NRXN3: variants seen among roughly 807,000 people sequenced by gnomAD.
NRXN3 encodes the protein neurexin 3, also known as neurexin III.
In NRXN3, 32 loss-of-function variants were observed where a neutral mutation model predicts 137.6. The ratio of observed to expected loss-of-function variants is 0.23; its 90% CI spans 0.18 to 0.31. NRXN3 has a LOEUF of 0.31. Ranked by LOEUF, NRXN3 falls within the 10% of genes least tolerant of loss-of-function variation. NRXN3 has a pLI of 1.00. For missense variants in NRXN3, 1,574 were observed against 2,062.5 expected (o/e 0.76, Z 4.59); for synonymous variants, 798 against 784.5 (o/e 1.02, Z -0.29).
chr14:78,312,057 A>G (rs1485096236), intron 4 of NRXN3, among the ~76,000 whole-genome samples: 3 of 152,166 alleles, frequency 2.0e-5, no homozygotes, highest in African/African-American at 4.8e-5. Flanking sequence ...TTCTCCTCCC[A>G]CCAAGTTGCC....
At chr14:79,280,272 AGTG>A in intron 15 of NRXN3, 4 of 1,613,570 alleles carry the variant, frequency 2.5e-6, no homozygotes, top group Non-Finnish European at 3.4e-6. Flanking sequence ...GCCCATCTGT[AGTG>A]GTCCCGTGCG....
At chr14:78,967,915 A>G (rs772588758) in intron 13 of NRXN3, among the ~76,000 whole-genome samples, 2 of 152,182 alleles carry the variant, frequency 1.3e-5, no homozygotes, top group Non-Finnish European at 2.9e-5. Flanking sequence ...TTTGTTGACA[A>G]TATTGTTAAT....
chr14:79,621,185 C>G (rs2098219925), intron 16 of NRXN3, among the ~76,000 whole-genome samples: 1 of 152,046 alleles, frequency 6.6e-6, no homozygotes. Flanking sequence ...AAGCATTTAG[C>G]CCAAGGCTAG....
In NRXN3 at chr14:79,451,322, T is replaced by C. The variant is rs564056599; in HGVS notation, c.3263-15899T>C. ...GTGGCATCGCTGACTGAAAGATAGG[T>C]CATTTTTAAAATAGTGGTATGACCT... On this transcript the variant is annotated intron_variant, in intron 15 of 20. Transcript: ENST00000335750. 5.3e-4 allele frequency among the ~76,000 whole-genome samples: 80 copies of C among 152,278 alleles called. 2 individuals are homozygous for C. Among genetic ancestry groups the C allele is most frequent in the Admixed American group, 5.2e-3 (80 of 15,294 alleles).
intron 15 of NRXN3, among the ~76,000 whole-genome samples, chr14:79,185,566 C>T (rs769379445): frequency 3.2e-4 from 49 of 151,598 alleles, no homozygotes; most frequent in South Asian, 1.0e-3. Context: ...CCTGGGTTCA[C>T]GCCATTCTCC....
chr14:79,298,304 A>T (rs1358510896), intron 15 of NRXN3, among the ~76,000 whole-genome samples: 1 of 152,076 alleles, frequency 6.6e-6, no homozygotes, highest in African/African-American at 2.4e-5. Context: ...AGTCAGAAGC[A>T]CCCACTTCAG....
At chr14:79,163,645 A>G (rs1279865885) in intron 15 of NRXN3, among the ~76,000 whole-genome samples, 2 of 151,840 alleles carry the variant, frequency 1.3e-5, no homozygotes, top group Non-Finnish European at 2.9e-5. Flanking sequence ...CATATTATTT[A>G]ATTTAGTAAG....
intron 4 of NRXN3, among the ~76,000 whole-genome samples, chr14:78,585,546 A>T (rs1026986123): frequency 4.6e-5 from 7 of 152,116 alleles, no homozygotes; most frequent in Non-Finnish European, 1.0e-4. Flanking sequence ...TTAGGAGACT[A>T]TTGTCATAAT....
chr14:78,721,808 A>G (rs1054460315), intron 8 of NRXN3, among the ~76,000 whole-genome samples: 5 of 151,854 alleles, frequency 3.3e-5, no homozygotes, highest in Admixed American at 1.3e-4. Context: ...TTCCCAAGAA[A>G]TGTGCAATTC....
At chr14:79,085,878 G>A (rs186432612) in intron 15 of NRXN3, among the ~76,000 whole-genome samples, 7 of 152,238 alleles carry the variant, frequency 4.6e-5, no homozygotes, top group Admixed American at 2.0e-4. Context: ...CCCTATGGGC[G>A]GATAAAACTA....
chr14:79,408,602 A>G (rs2095357957), intron 15 of NRXN3, among the ~76,000 whole-genome samples: 1 of 152,078 alleles, frequency 6.6e-6, no homozygotes, highest in East Asian at 1.9e-4. Context: ...TTTTTGAAGG[A>G]ATTTTTACTA....
At chr14:78,297,723 C>T in intron 3 of NRXN3, 108 bp from the exon 4 acceptor site, 1 of 862,952 alleles carries the variant, frequency 1.2e-6, no homozygotes, top group Non-Finnish European at 1.8e-6. Flanking sequence ...CCTTTTTCCA[C>T]TCAAGGATTA....
At chr14:79,040,167 T>C (rs1396314163) in intron 15 of NRXN3, among the ~76,000 whole-genome samples, 1 of 152,202 alleles carries the variant, frequency 6.6e-6, no homozygotes, top group African/African-American at 2.4e-5. Context: ...TAAATGCCTG[T>C]CTGTCTTATC....
At chr14:79,860,983 G>A in intron 20 of NRXN3, 1 of 1,057,284 alleles carries the variant, frequency 9.5e-7, no homozygotes, top group Non-Finnish European at 1.3e-6. Context: ...GACGTTGGTT[G>A]AGTGAGAGTT....
chr14:78,743,624 A>G (rs765458985), intron 8 of NRXN3, among the ~76,000 whole-genome samples: 4 of 152,220 alleles, frequency 2.6e-5, no homozygotes, highest in Non-Finnish European at 5.9e-5. Context: ...TATCAAAACT[A>G]GATATCTGGG....
At chr14:79,399,202 A>G (rs1485142046) in intron 15 of NRXN3, among the ~76,000 whole-genome samples, 2 of 152,064 alleles carry the variant, frequency 1.3e-5, no homozygotes, top group Non-Finnish European at 2.9e-5. Flanking sequence ...CATCCTCATA[A>G]TATTCATTCT....
At chr14:79,308,947 ATACTC>A (rs2086675845) in intron 15 of NRXN3, among the ~76,000 whole-genome samples, 1 of 109,188 alleles carries the variant, frequency 9.2e-6, no homozygotes, top group Non-Finnish European at 1.9e-5. Flanking sequence ...TTTTTTTATT[ATACTC>A]TAAGTTTTAG....
At chr14:79,750,860 C>A (rs1286132906) in intron 19 of NRXN3, among the ~76,000 whole-genome samples, 1 of 152,012 alleles carries the variant, frequency 6.6e-6, no homozygotes, top group African/African-American at 2.4e-5. Context: ...TCAGGGTGAC[C>A]AGAGAGAACC....
chr14:78,931,700 C>T (rs920876456), intron 10 of NRXN3, among the ~76,000 whole-genome samples: 1 of 152,116 alleles, frequency 6.6e-6, no homozygotes, highest in African/African-American at 2.4e-5. Context: ...CAGACCATGC[C>T]ATCTTGGTGA....
Sources: gnomAD v4.1 joint callset for allele counts (sites outside exome capture counted in the v4.1 genomes callset) on GRCh38, gnomAD v4.1.1 for gene constraint, MANE v1.5 for transcripts, NCBI Gene and HGNC (gene_info 2026-07-23, HGNC 2026-07-21) for gene names.